Variants in ZMAT4 observed in about 807,000 individuals in gnomAD.
ZMAT4 encodes zinc finger matrin-type protein 4.
Under a neutral mutation model 28.7 loss-of-function variants are expected in ZMAT4, and 17 were observed. That is an observed-to-expected ratio of 0.59 (90% CI 0.41 to 0.89). ZMAT4 has a LOEUF of 0.89. ZMAT4 is among the 40% of genes least tolerant of loss of function. The probability of loss-of-function intolerance (pLI) is 0.00; values close to 1 mark genes in which losing one functional copy is unlikely to be tolerated. For missense variants in ZMAT4, 240 were observed against 283.8 expected, an observed-to-expected ratio of 0.85 and a Z score of 1.11; for synonymous variants, 117 against 109.2, an observed-to-expected ratio of 1.07 and a Z score of -0.44.
chr8:40,601,468 G>GAA (rs1563359930), intron 5 of ZMAT4, among the ~76,000 whole-genome samples: 5 of 19,974 alleles, frequency 2.5e-4, no homozygotes, highest in South Asian at 2.7e-3. Flanking sequence ...GAGGAAGAAA[G>GAA]GAAAGAAAGA....
At chr8:40,673,914 T>C (rs1181124624) in intron 5 of ZMAT4, among the ~76,000 whole-genome samples, 4 of 152,074 alleles carry the variant, frequency 2.6e-5, no homozygotes, top group African/African-American at 9.7e-5. Context: ...GTTGACTACA[T>C]AGTGCCACAC....
chr8:40,621,752 C>G (rs1406999651), intron 5 of ZMAT4, among the ~76,000 whole-genome samples: 2 of 152,270 alleles, frequency 1.3e-5, no homozygotes, highest in South Asian at 4.1e-4. Flanking sequence ...GGATTTTTCT[C>G]TTTGTGAAAT....
intron 2 of ZMAT4, among the ~76,000 whole-genome samples, chr8:40,788,662 A>G (rs986471071): frequency 1.3e-5 from 2 of 152,126 alleles, no homozygotes; most frequent in African/African-American, 4.8e-5. Flanking sequence ...AACAAAAAAA[A>G]CACCAATTGT....
At chr8:40,664,706 TGAG>T (rs1283361287) in intron 5 of ZMAT4, among the ~76,000 whole-genome samples, 3 of 152,242 alleles carry the variant, frequency 2.0e-5, no homozygotes, top group African/African-American at 7.2e-5. Flanking sequence ...CTGTGAGAGA[TGAG>T]AAGTGTCATT....
intron 1 of ZMAT4, among the ~76,000 whole-genome samples, chr8:40,829,837 T>C (rs1816213175): frequency 6.6e-6 from 1 of 152,170 alleles, no homozygotes; most frequent in Non-Finnish European, 1.5e-5. Flanking sequence ...ACTCAGAAGC[T>C]AATTCTTTTC....
chr8:40,781,036 T>C (rs976391203), intron 2 of ZMAT4, among the ~76,000 whole-genome samples: 3 of 152,042 alleles, frequency 2.0e-5, no homozygotes, highest in Non-Finnish European at 2.9e-5. Context: ...AACAGGACAA[T>C]TAAGCAACAA....
At chr8:40,610,277 A>T (rs989945227) in intron 5 of ZMAT4, among the ~76,000 whole-genome samples, 2 of 152,162 alleles carry the variant, frequency 1.3e-5, no homozygotes, top group Admixed American at 6.5e-5. Context: ...ACCCAAACAA[A>T]TTTTTTGTAT....
At chr8:40,589,778 C>CTTT (rs1284552799) in intron 5 of ZMAT4, among the ~76,000 whole-genome samples, 2 of 37,308 alleles carry the variant, frequency 5.4e-5, no homozygotes, top group African/African-American at 1.7e-4. Context: ...TTCTTTCTTT[C>CTTT]CTTTCTTTCT....
chr8:40,578,117 C>T (rs1804329741), intron 6 of ZMAT4, among the ~76,000 whole-genome samples: 1 of 151,896 alleles, frequency 6.6e-6, no homozygotes, highest in Non-Finnish European at 1.5e-5. Context: ...TTTACACTAT[C>T]AGATATCAAG....
At chr8:40,791,714 C>T (rs1024313988) in intron 2 of ZMAT4, among the ~76,000 whole-genome samples, 4 of 152,204 alleles carry the variant, frequency 2.6e-5, no homozygotes, top group East Asian at 1.9e-4. Context: ...TGACCAACTA[C>T]GGACTCTAAG....
At chr8:40,598,921 T>C (rs1805196099) in intron 5 of ZMAT4, among the ~76,000 whole-genome samples, 1 of 152,134 alleles carries the variant, frequency 6.6e-6, no homozygotes, top group African/African-American at 2.4e-5. Flanking sequence ...ATTATTACAA[T>C]TTGGGGTGGT....
At chr8:40,692,008 G>A (rs1314482452) in intron 4 of ZMAT4, among the ~76,000 whole-genome samples, 3 of 152,172 alleles carry the variant, frequency 2.0e-5, no homozygotes, top group East Asian at 3.8e-4. Flanking sequence ...CATCATACTT[G>A]ACTAAAATTT....
chr8:40,848,881 C>T (rs889421174), intron 1 of ZMAT4, among the ~76,000 whole-genome samples: 4 of 152,136 alleles, frequency 2.6e-5, no homozygotes, highest in African/African-American at 9.7e-5. Flanking sequence ...TTCCTGGTTC[C>T]ACAAAAACAA....
At position 40,767,447 on chromosome 8, in the gene ZMAT4, C is replaced by T. The variant is rs186958854; in HGVS notation, c.192+194G>A. ...AATGTCATCAAAAACTCCTCCAATA[C>T]TATATGGGCAAGTTCTGGCAGGAAA... On this transcript the variant is annotated intron_variant, in intron 3 of 6. Coordinates refer to ENST00000297737, the MANE Select transcript of ZMAT4 (RefSeq NM_024645.3). Among the ~76,000 whole-genome samples the T allele has an allele frequency of 7.2e-5, 11 of 152,250 alleles. No homozygotes were observed. The East Asian group carries it at 2.1e-3, about 29-fold the overall frequency.
intron 3 of ZMAT4, among the ~76,000 whole-genome samples, chr8:40,723,465 C>T (rs1585942313): frequency 6.7e-6 from 1 of 148,658 alleles, no homozygotes; most frequent in Non-Finnish European, 1.5e-5. Flanking sequence ...ATCGCTTAAA[C>T]CCCAGAAACA....
intron 3 of ZMAT4, among the ~76,000 whole-genome samples, chr8:40,760,892 T>G (rs964868963): frequency 4.6e-5 from 7 of 152,190 alleles, no homozygotes; most frequent in Non-Finnish European, 1.0e-4. Context: ...TATGGTCAGC[T>G]ACAATCCTGA....
intron 3 of ZMAT4, among the ~76,000 whole-genome samples, chr8:40,726,687 T>C (rs1811328434): frequency 6.6e-6 from 1 of 152,172 alleles, no homozygotes; most frequent in African/African-American, 2.4e-5. Context: ...TTTGTGAAAA[T>C]AGTTTTATTG....
At chr8:40,711,865 T>C (rs1810638475) in intron 3 of ZMAT4, among the ~76,000 whole-genome samples, 1 of 152,280 alleles carries the variant, frequency 6.6e-6, no homozygotes, top group East Asian at 1.9e-4. Flanking sequence ...TTGGCAAAGA[T>C]CTATTTCACA....
intron 1 of ZMAT4, among the ~76,000 whole-genome samples, chr8:40,869,191 A>G (rs750973594): frequency 2.4e-4 from 36 of 152,334 alleles, no homozygotes; most frequent in Middle Eastern, 3.4e-3. Flanking sequence ...ATGCTTCTAG[A>G]AGATCCAGAC....
Sources: allele counts gnomAD v4.1 joint callset (sites outside exome capture counted in the v4.1 genomes callset), GRCh38; gene constraint gnomAD v4.1.1; transcripts MANE v1.5; gene names NCBI Gene and HGNC (gene_info 2026-07-23, HGNC 2026-07-21).